The following PTPRK variants were observed in gnomAD, a reference collection of about 807,000 sequenced individuals.
PTPRK encodes protein tyrosine phosphatase receptor type K, also known as receptor-type tyrosine-protein phosphatase kappa.
A neutral mutation model predicts 178.0 loss-of-function variants in PTPRK; 75 were observed. That is an observed-to-expected ratio of 0.42 (90% CI 0.35 to 0.51). The LOEUF is 0.51. PTPRK is among the 20% of genes least tolerant of loss of function. PTPRK has a pLI of 0.02. For missense variants in PTPRK, 1,441 were observed against 1,797.8 expected (o/e 0.80, Z 3.59); for synonymous variants, 637 against 620.6 (o/e 1.03, Z -0.39).
At chr6:127,990,525 G>T (rs1028858009) in intron 21 of PTPRK, among the ~76,000 whole-genome samples, 6 of 151,946 alleles carry the variant, frequency 3.9e-5, no homozygotes, top group Non-Finnish European at 5.9e-5. Context: ...TATATTAGTT[G>T]ATTTATTTAT....
chr6:128,240,775 C>T (rs1814274576), intron 4 of PTPRK, among the ~76,000 whole-genome samples: 1 of 151,916 alleles, frequency 6.6e-6, no homozygotes, highest in South Asian at 2.1e-4. Flanking sequence ...AAATAAATAC[C>T]CATATTAGAC....
chr6:128,160,319 T>C (rs1299458095), intron 7 of PTPRK, among the ~76,000 whole-genome samples: 4 of 151,638 alleles, frequency 2.6e-5, no homozygotes, highest in African/African-American at 9.7e-5. Context: ...ACAGCATATT[T>C]GTGGTATTAA....
At chr6:128,314,169 C>T (rs535187333) in intron 3 of PTPRK, among the ~76,000 whole-genome samples, 55 of 152,300 alleles carry the variant, frequency 3.6e-4, no homozygotes, top group Non-Finnish European at 6.5e-4. Flanking sequence ...TGGTCTAATG[C>T]AGTTTCTAAG....
At chr6:128,148,589 A>C (rs1162642491) in intron 7 of PTPRK, among the ~76,000 whole-genome samples, 1 of 152,134 alleles carries the variant, frequency 6.6e-6, no homozygotes, top group Admixed American at 6.6e-5. Flanking sequence ...GCTGATCATT[A>C]GCATTTTATT....
chr6:128,427,832 C>T (rs1844346294), intron 1 of PTPRK, among the ~76,000 whole-genome samples: 2 of 152,156 alleles, frequency 1.3e-5, no homozygotes, highest in Non-Finnish European at 2.9e-5. Flanking sequence ...GTGGCTCACG[C>T]CTGCAATCCC....
At chr6:128,366,007 C>T (rs1835427316) in intron 2 of PTPRK, among the ~76,000 whole-genome samples, 1 of 152,106 alleles carries the variant, frequency 6.6e-6, no homozygotes, top group African/African-American at 2.4e-5. Context: ...CCTCTAAGTT[C>T]AGATCAGTCA....
intron 7 of PTPRK, among the ~76,000 whole-genome samples, chr6:128,163,452 G>A (rs1320792207): frequency 6.6e-6 from 1 of 151,412 alleles, no homozygotes; most frequent in Non-Finnish European, 1.5e-5. Flanking sequence ...TAGCTTGGTA[G>A]AAAAATATTT....
intron 1 of PTPRK, among the ~76,000 whole-genome samples, chr6:128,502,284 T>C (rs1279920867): frequency 6.6e-6 from 1 of 152,200 alleles, no homozygotes; most frequent in African/African-American, 2.4e-5. Context: ...GTCAATCCTG[T>C]ATAGTGGGGA....
chr6:128,084,893 T>G (rs926503585), intron 8 of PTPRK: 1 of 152,188 alleles, frequency 6.6e-6, no homozygotes, highest in Non-Finnish European at 1.5e-5. Context: ...TCCCTTAATC[T>G]AACGTTTCAG....
At chr6:128,332,456 G>T (rs1308622085) in intron 2 of PTPRK, among the ~76,000 whole-genome samples, 1 of 152,188 alleles carries the variant, frequency 6.6e-6, no homozygotes, top group Admixed American at 6.5e-5. Context: ...CTGAGGTCCG[G>T]TGTGAGGACT....
chr6:128,116,800 A>G (rs1472681990), intron 7 of PTPRK, among the ~76,000 whole-genome samples: 1 of 152,254 alleles, frequency 6.6e-6, no homozygotes, highest in African/African-American at 2.4e-5. Flanking sequence ...ATCATTTATG[A>G]AGAGACAAAA....
intron 7 of PTPRK, among the ~76,000 whole-genome samples, chr6:128,099,289 T>C (rs566450586): frequency 6.6e-6 from 1 of 151,960 alleles, no homozygotes; most frequent in South Asian, 2.1e-4. Context: ...GTAAATATTT[T>C]ATATCTCCCC....
intron 6 of PTPRK, among the ~76,000 whole-genome samples, chr6:128,205,777 CAAAAAAAAAAAAAAAAAAAA>C (rs57003128): frequency 5.9e-4 from 9 of 15,230 alleles, no homozygotes; most frequent in Non-Finnish European, 1.3e-3. Flanking sequence ...CATCACAGAC[CAAAAAAAAAAAAAAAAAAAA>C]AAAAAAAATT....
At chr6:128,296,908 C>T (rs1389437309) in intron 3 of PTPRK, among the ~76,000 whole-genome samples, 2 of 151,828 alleles carry the variant, frequency 1.3e-5, no homozygotes, top group East Asian at 1.9e-4. Context: ...CTAAATGCTC[C>T]AATTAAAAGA....
chr6:128,501,391 TCACACACACA>T (rs67621491), intron 1 of PTPRK, among the ~76,000 whole-genome samples: 1 of 145,592 alleles, frequency 6.9e-6, no homozygotes, highest in Non-Finnish European at 1.5e-5. Context: ...TAAACTCAAA[TCACACACACA>T]CACACACACA....
chr6:128,503,680 T>C (rs977536371), intron 1 of PTPRK, among the ~76,000 whole-genome samples: 2 of 152,206 alleles, frequency 1.3e-5, no homozygotes, highest in Admixed American at 1.3e-4. Context: ...TAACTTTATG[T>C]ATTTTGTTTT....
chr6:128,070,294 T>C (rs919030096), intron 11 of PTPRK, among the ~76,000 whole-genome samples: 1 of 152,034 alleles, frequency 6.6e-6, no homozygotes, highest in Non-Finnish European at 1.5e-5. Flanking sequence ...TATACTACAG[T>C]GTTACCAACT....
chr6:128,064,912 G>T (rs1053375456), intron 12 of PTPRK, 118 bp from the exon 13 acceptor site: 11 of 1,154,214 alleles, frequency 9.5e-6, no homozygotes, highest in Non-Finnish European at 1.0e-5. Flanking sequence ...ATAAACAACA[G>T]AATTTTAATA....
intron 1 of PTPRK, among the ~76,000 whole-genome samples, chr6:128,468,284 CAT>C (rs1377721980): frequency 6.6e-6 from 1 of 152,134 alleles, no homozygotes; most frequent in Non-Finnish European, 1.5e-5. Context: ...GGCTGACATG[CAT>C]ATGTTACTAA....
Sources: allele counts gnomAD v4.1 joint callset (sites outside exome capture counted in the v4.1 genomes callset), GRCh38; gene constraint gnomAD v4.1.1; transcripts MANE v1.5; gene names NCBI Gene and HGNC (gene_info 2026-07-23, HGNC 2026-07-21).